Variants in NT5DC3 observed in about 807,000 individuals in gnomAD.
NT5DC3 encodes 5'-nucleotidase domain containing 3.
A neutral mutation model predicts 67.8 loss-of-function variants in NT5DC3; 42 were observed. The observed-to-expected ratio is 0.62, with a 90% CI of 0.48 to 0.80. The LOEUF is 0.80. NT5DC3 is among the 30% of genes least tolerant of loss of function. The pLI, the probability that NT5DC3 is intolerant of heterozygous loss-of-function variation, is 0.00. For synonymous variants in NT5DC3, 237 were observed against 255.6 expected (o/e 0.93, Z 0.69); for missense variants, 570 against 696.4 (o/e 0.82, Z 2.04).
At chr12:103,758,140 C>T in the NT5DC3 span, 4 of 1,613,338 alleles carry the variant, frequency 2.5e-6, no homozygotes, top group South Asian at 3.3e-5. Flanking sequence ...CCAGGGCTGG[C>T]CCCTCTGATG....
intron 1 of NT5DC3, among the ~76,000 whole-genome samples, chr12:103,837,163 G>A (rs1229272075): frequency 6.6e-6 from 1 of 152,208 alleles, no homozygotes; most frequent in African/African-American, 2.4e-5. Context: ...CGAGGCTTGG[G>A]GTTTCCACCC....
chr12:103,753,567 C>T, the NT5DC3 span, among the ~76,000 whole-genome samples: 1 of 152,146 alleles, frequency 6.6e-6, no homozygotes, highest in Non-Finnish European at 1.5e-5. Context: ...ATTGTTCATC[C>T]TTACAACATC....
the NT5DC3 span, among the ~76,000 whole-genome samples, chr12:103,759,621 C>A: frequency 6.6e-6 from 1 of 152,132 alleles, no homozygotes; most frequent in Non-Finnish European, 1.5e-5. Context: ...CTGCCACTTG[C>A]TAACTGTAAG....
At chr12:103,761,712 C>T in the NT5DC3 span, among the ~76,000 whole-genome samples, 1 of 152,108 alleles carries the variant, frequency 6.6e-6, no homozygotes, top group Non-Finnish European at 1.5e-5. Flanking sequence ...TATGGTTTGG[C>T]CCCTCCACTT....
At chr12:103,809,298 T>G (rs1317482817) in intron 2 of NT5DC3, among the ~76,000 whole-genome samples, 1 of 152,248 alleles carries the variant, frequency 6.6e-6, no homozygotes, top group Non-Finnish European at 1.5e-5. Flanking sequence ...AGTCTGGTGG[T>G]TCTTTCTTTG....
Position 103,778,003 on chromosome 12 carries a change from C to A in NT5DC3, c.1473G>T (p.Arg491Ser), listed in dbSNP as rs759358869. ...RTDQNPTYFL[R>S]RLSRFADIYM... ...AGATGTCAGCGAAGCGCGACAGGCG[C>A]CTTAGGAAGTAGGTTGGGTTCTGGT... is the stretch of plus-strand genomic sequence containing the variant. The change falls in exon 14 of 14, where the codon AGG (arginine) becomes AGT (serine). Residue 491 changes from arginine (R) to serine (S), a missense_variant. Coordinates refer to ENST00000392876, the MANE Select transcript of NT5DC3 (RefSeq NM_001031701.3). 1 of 1,614,182 alleles carries A rather than the reference C, an allele frequency of 6.2e-7. No homozygotes were observed.
chr12:103,756,996 A>AATATATATATATATATATATATATAT, the NT5DC3 span, among the ~76,000 whole-genome samples: 11 of 56,316 alleles, frequency 2.0e-4, no homozygotes, highest in South Asian at 2.2e-3. Context: ...AAGGAGGGAA[A>AATATATATATATATATATATATATAT]ATATATATAT....
At chr12:103,816,720 T>C (rs1057259162) in intron 1 of NT5DC3, among the ~76,000 whole-genome samples, 1 of 152,248 alleles carries the variant, frequency 6.6e-6, no homozygotes, top group Non-Finnish European at 1.5e-5. Flanking sequence ...TTTTCCAGTA[T>C]GCTGAAATGC....
chr12:103,806,387 C>T lies in NT5DC3; in HGVS notation c.469-10G>A. On this transcript the variant is annotated splice_polypyrimidine_tract_variant and intron_variant, in intron 3 of 13. Transcript: ENST00000392876. Reference sequence around the variant, plus strand: ...TCTTCATTAATACTGCCTTTAAAAACATAAACATATGCACATGTAAATAAT... The same window carrying T: ...TCTTCATTAATACTGCCTTTAAAAATATAAACATATGCACATGTAAATAAT... 1 of 1,579,422 alleles carries T rather than the reference C, an allele frequency of 6.3e-7. No homozygotes were observed. The highest frequency in any genetic ancestry group is 8.7e-7 in the Non-Finnish European group (1 of 1,148,492).
rs1566106659 is a variant in NT5DC3, at chr12:103,793,975, A to C, written c.776T>G (p.Ile259Ser). ...AATTGCTCTGTACATTATTCCTTTG[A>C]TGTGGACGTCTCGAATTGAATCCTG... ...DVKDSIRDVH[I>S]KGIMYRAIEA... Residue 259 changes from isoleucine (I) to serine (S), a missense_variant, in exon 7 of 14, where the codon ATC (isoleucine) becomes AGC (serine). Transcript: ENST00000392876. 1 of 1,613,808 alleles carries C rather than the reference A, an allele frequency of 6.2e-7. No individual in the cohort carries two copies. Among genetic ancestry groups the C allele is most frequent in the Non-Finnish European group, 8.5e-7 (1 of 1,179,676 alleles).
At chr12:103,750,515 C>CA in the NT5DC3 span, 1 of 1,592,208 alleles carries the variant, frequency 6.3e-7, no homozygotes, top group African/African-American at 1.3e-5. Flanking sequence ...GTCCCATGGG[C>CA]ACTTGGGCAT....
At chr12:103,760,867 G>C in the NT5DC3 span, among the ~76,000 whole-genome samples, 1 of 152,308 alleles carries the variant, frequency 6.6e-6, no homozygotes, top group Non-Finnish European at 1.5e-5. Context: ...ATTCAGCAGG[G>C]GAGAAGGCAC....
intron 9 of NT5DC3, among the ~76,000 whole-genome samples, chr12:103,791,724 T>C (rs1030949404): frequency 1.3e-5 from 2 of 152,110 alleles, no homozygotes; most frequent in Non-Finnish European, 2.9e-5. Context: ...GAGCGTCCAG[T>C]GGGTGAGAGA....
chr12:103,793,923 T>C lies in NT5DC3; in HGVS notation c.814+14A>G. The C allele has an allele frequency of 6.2e-7, 1 of 1,601,260 alleles. No homozygotes were observed. Among genetic ancestry groups the C allele is most frequent in the South Asian group, 1.1e-5 (1 of 90,544 alleles). On this transcript the variant is annotated intron_variant, in intron 7 of 13. Coordinates refer to ENST00000392876, the MANE Select transcript of NT5DC3 (RefSeq NM_001031701.3). ...AAGGCTGAAACTCTCTTCGTGATAC[T>C]GCTGAGCACATACCAATGTCTGCTT...
At chr12:103,786,681 A>ATTTTTTTTTTTTTTTTTTTTTT (rs3036176) in intron 11 of NT5DC3, among the ~76,000 whole-genome samples, 2 of 132,366 alleles carry the variant, frequency 1.5e-5, no homozygotes, top group African/African-American at 2.8e-5. Flanking sequence ...CACTGGTTTG[A>ATTTTTTTTTTTTTTTTTTTTTT]TTTTTTTTTT....
chr12:103,806,970 CCA>C lies in NT5DC3; in HGVS notation c.394-43_394-42del, dbSNP rs1434892565. On this transcript the variant is annotated intron_variant, in intron 2 of 13. Coordinates refer to ENST00000392876, the MANE Select transcript of NT5DC3 (RefSeq NM_001031701.3). ...GGAACTGGTTTTAGCCAACAATGTG[CCA>C]AGTGCAGGATCCTGTCCAGATCTGG... 4.3e-6 allele frequency: 5 copies of C among 1,165,298 alleles called. No individual in the cohort carries two copies. In the Admixed American group the frequency reaches 5.1e-5, roughly 12 times the overall value. The allele number at this position is 1,165,298 out of a possible 1,614,324, so 72.2% of individuals were successfully genotyped here.
chr12:103,804,995 G>A (rs1886736013), intron 4 of NT5DC3, among the ~76,000 whole-genome samples: 1 of 151,700 alleles, frequency 6.6e-6, no homozygotes, highest in Non-Finnish European at 1.5e-5. Flanking sequence ...AGGTTGCAGT[G>A]AGCCGAGATC....
intron 1 of NT5DC3, among the ~76,000 whole-genome samples, chr12:103,835,571 G>C (rs1276593406): frequency 6.6e-6 from 1 of 152,160 alleles, no homozygotes; most frequent in Admixed American, 6.5e-5. Context: ...CCAGACTCTA[G>C]AGCTAAATAA....
chr12:103,783,344 C>A (rs1024173365), intron 12 of NT5DC3, among the ~76,000 whole-genome samples: 4 of 152,190 alleles, frequency 2.6e-5, no homozygotes, highest in Non-Finnish European at 4.4e-5. Context: ...GGTTAAGGGT[C>A]TAGAGTCGGT....
Sources: allele counts gnomAD v4.1 joint callset (sites outside exome capture counted in the v4.1 genomes callset), GRCh38; gene constraint gnomAD v4.1.1; transcripts MANE v1.5; gene names NCBI Gene and HGNC (gene_info 2026-07-23, HGNC 2026-07-21).